Variants in MPPED1 observed in about 807,000 individuals in gnomAD.
The protein encoded by MPPED1 is metallophosphoesterase domain-containing protein 1.
A neutral mutation model predicts 36.2 loss-of-function variants in MPPED1; 16 were observed. The ratio of observed to expected loss-of-function variants is 0.44; its 90% CI spans 0.30 to 0.67. The LOEUF (loss-of-function observed/expected upper bound fraction) is 0.67, where lower values mean the gene tolerates loss of function less well. MPPED1 is among the 30% of genes least tolerant of loss of function. The pLI is 0.10. For missense variants in MPPED1, 307 were observed against 453.4 expected, an observed-to-expected ratio of 0.68 and a Z score of 2.93; for synonymous variants, 199 against 191.3, an observed-to-expected ratio of 1.04 and a Z score of -0.33.
intron 3 of MPPED1, 65 bp downstream of exon 3, chr22:43,435,280 G>A (rs759436547): frequency 3.4e-5 from 52 of 1,510,628 alleles, no homozygotes; most frequent in Non-Finnish European, 4.5e-5. Flanking sequence ...GCCAGCTCCC[G>A]AGGCTGCCTG....
intron 3 of MPPED1, among the ~76,000 whole-genome samples, chr22:43,439,488 G>A (rs765650059): frequency 2.6e-5 from 4 of 152,262 alleles, no homozygotes; most frequent in Non-Finnish European, 5.9e-5. Context: ...AGCAGTGCCA[G>A]TGCAGGGAGG....
intron 1 of MPPED1, among the ~76,000 whole-genome samples, chr22:43,422,007 C>T (rs1488550882): frequency 3.9e-5 from 6 of 152,172 alleles, no homozygotes; most frequent in East Asian, 1.9e-4. Flanking sequence ...TGCTGGGGGC[C>T]GGAGCTGACA....
At chr22:43,422,068 G>T (rs1929293522) in intron 1 of MPPED1, among the ~76,000 whole-genome samples, 1 of 152,146 alleles carries the variant, frequency 6.6e-6, no homozygotes, top group African/African-American at 2.4e-5. Context: ...GGACATCCGG[G>T]CTCTTCCTGG....
chr22:43,463,082 T>G (rs1931010912), intron 3 of MPPED1, among the ~76,000 whole-genome samples: 1 of 152,156 alleles, frequency 6.6e-6, no homozygotes. Context: ...CCTTTTTTTT[T>G]CAGTGTCACT....
At chr22:43,456,687 G>A (rs1248937884) in intron 3 of MPPED1, among the ~76,000 whole-genome samples, 2 of 152,184 alleles carry the variant, frequency 1.3e-5, no homozygotes, top group South Asian at 2.1e-4. Flanking sequence ...TAGAGACAGA[G>A]TTTTCGCCAT....
At chr22:43,428,808 G>C (rs73889271) in intron 2 of MPPED1, among the ~76,000 whole-genome samples, 1 of 151,796 alleles carries the variant, frequency 6.6e-6, no homozygotes, top group South Asian at 2.1e-4. Flanking sequence ...TCCTTGCCCC[G>C]GTGACTGAGA....
chr22:43,413,262 G>A (rs1451121369), intron 1 of MPPED1, among the ~76,000 whole-genome samples: 1 of 152,150 alleles, frequency 6.6e-6, no homozygotes, highest in Non-Finnish European at 1.5e-5. Context: ...GTTGAATGGC[G>A]GAGCTGGCTC....
At chr22:43,426,093 G>A (rs1056235327) in intron 2 of MPPED1, among the ~76,000 whole-genome samples, 2 of 152,134 alleles carry the variant, frequency 1.3e-5, no homozygotes, top group African/African-American at 2.4e-5. Context: ...AGCCCTGCAC[G>A]ACAGAGCTTA....
At chr22:43,429,644 C>T (rs1023105357) in intron 2 of MPPED1, among the ~76,000 whole-genome samples, 2 of 152,256 alleles carry the variant, frequency 1.3e-5, no homozygotes, top group African/African-American at 2.4e-5. Flanking sequence ...CTGACACATT[C>T]ATTTGTAGGA....
chr22:43,429,069 C>T (rs562798693), intron 2 of MPPED1, among the ~76,000 whole-genome samples: 11 of 152,184 alleles, frequency 7.2e-5, no homozygotes, highest in Non-Finnish European at 1.6e-4. Context: ...CAGGCTGCAC[C>T]GGGTCCTTGA....
intron 3 of MPPED1, among the ~76,000 whole-genome samples, chr22:43,449,422 A>ACCCAC (rs1930480179): frequency 7.9e-6 from 1 of 127,330 alleles, no homozygotes; most frequent in Non-Finnish European, 1.6e-5. Flanking sequence ...GACAGTGCCA[A>ACCCAC]CCCCCCCCGC....
intron 3 of MPPED1, among the ~76,000 whole-genome samples, chr22:43,464,071 G>T (rs546283574): frequency 2.3e-4 from 35 of 151,838 alleles, no homozygotes; most frequent in African/African-American, 8.5e-4. Flanking sequence ...ACCACTCCCA[G>T]CTAATTTTTG....
At chr22:43,463,332 T>TTTC (rs1931020751) in intron 3 of MPPED1, among the ~76,000 whole-genome samples, 1 of 45,378 alleles carries the variant, frequency 2.2e-5, no homozygotes, top group Admixed American at 1.9e-4. Flanking sequence ...TGATTTTTTC[T>TTTC]TTTTTTTTTT....
At position 43,497,047 on chromosome 22, in the gene MPPED1, G is replaced by C. The variant is rs1209638838; in HGVS notation, c.633-1188G>C. ...TGGAAGTGGTGGTGGTGGAGGTAGT[G>C]GTGGTGGAGATGGTGGTGGTGGAGG... On this transcript the variant is annotated intron_variant, in intron 4 of 6. Transcript: ENST00000443721. Among the ~76,000 whole-genome samples, 4 of 148,726 alleles carry C rather than the reference G, an allele frequency of 2.7e-5. No homozygotes were observed. The South Asian group carries it at 8.5e-4, about 32-fold the overall frequency.
intron 1 of MPPED1, among the ~76,000 whole-genome samples, chr22:43,420,147 AG>A (rs1224325774): frequency 6.6e-6 from 1 of 152,072 alleles, no homozygotes; most frequent in Non-Finnish European, 1.5e-5. Flanking sequence ...GGAAACAGAG[AG>A]GTTGAGTGAC....
intron 3 of MPPED1, among the ~76,000 whole-genome samples, chr22:43,452,290 A>C (rs1930598095): frequency 6.6e-6 from 1 of 152,152 alleles, no homozygotes; most frequent in South Asian, 2.1e-4. Context: ...CTGGGATTAC[A>C]GGTGTGAGCC....
At chr22:43,451,328 T>C (rs575321709) in intron 3 of MPPED1, among the ~76,000 whole-genome samples, 1 of 152,360 alleles carries the variant, frequency 6.6e-6, no homozygotes, top group South Asian at 2.1e-4. Flanking sequence ...ATTACTACTA[T>C]TAATATCATC....
chr22:43,435,750 C>A (rs750029057), intron 3 of MPPED1, among the ~76,000 whole-genome samples: 1 of 152,072 alleles, frequency 6.6e-6, no homozygotes. Context: ...CCAGCTACAT[C>A]GGAGGCTGAG....
At chr22:43,413,377 T>C (rs1410569687) in intron 1 of MPPED1, among the ~76,000 whole-genome samples, 1 of 113,852 alleles carries the variant, frequency 8.8e-6, no homozygotes, top group Non-Finnish European at 1.7e-5. Flanking sequence ...GACTGGACTT[T>C]GCAAAAAAAA....
Sources: allele counts gnomAD v4.1 joint callset (sites outside exome capture counted in the v4.1 genomes callset), GRCh38; gene constraint gnomAD v4.1.1; transcripts MANE v1.5; gene names NCBI Gene and HGNC (gene_info 2026-07-23, HGNC 2026-07-21).